Variants in SPAG16 observed in about 807,000 individuals in gnomAD.
The protein encoded by SPAG16 is sperm-associated antigen 16 protein.
A neutral mutation model predicts 80.4 loss-of-function variants in SPAG16; 86 were observed. That is an observed-to-expected ratio of 1.07 (90% CI 0.90 to 1.28). The LOEUF (loss-of-function observed/expected upper bound fraction) is 1.28, where lower values mean the gene tolerates loss of function less well. SPAG16 is among the 50% of genes most tolerant of loss of function. The pLI, the probability that SPAG16 is intolerant of heterozygous loss-of-function variation, is 0.00. For missense variants in SPAG16, 870 were observed against 765.3 expected (o/e 1.14, Z -1.61); for synonymous variants, 294 against 265.9 (o/e 1.11, Z -1.03).
chr2:213,472,186 A>G (rs1306681583), intron 9 of SPAG16, among the ~76,000 whole-genome samples: 1 of 152,320 alleles, frequency 6.6e-6, no homozygotes, highest in Non-Finnish European at 1.5e-5. Context: ...GTAGGACAGT[A>G]AAGGTATATT....
chr2:213,993,459 C>A (rs976116603), intron 12 of SPAG16, among the ~76,000 whole-genome samples: 24 of 152,122 alleles, frequency 1.6e-4, no homozygotes, highest in Admixed American at 2.6e-4. Context: ...CACAAGTAAA[C>A]CCCCTAAGGC....
At chr2:213,433,775 G>A (rs2070445034) in intron 9 of SPAG16, among the ~76,000 whole-genome samples, 1 of 151,938 alleles carries the variant, frequency 6.6e-6, no homozygotes, top group Non-Finnish European at 1.5e-5. Flanking sequence ...TCATAAAAGA[G>A]CCCAAATAGC....
At chr2:213,360,142 T>C (rs2065895373) in intron 7 of SPAG16, among the ~76,000 whole-genome samples, 1 of 152,208 alleles carries the variant, frequency 6.6e-6, no homozygotes, top group African/African-American at 2.4e-5. Flanking sequence ...CCACAGGTTT[T>C]ACCATGGACA....
At chr2:213,675,718 G>A (rs952805499) in intron 10 of SPAG16, among the ~76,000 whole-genome samples, 1 of 151,984 alleles carries the variant, frequency 6.6e-6, no homozygotes, top group African/African-American at 2.4e-5. Context: ...TTATTTCTGA[G>A]GGCTCTGTTC....
intron 15 of SPAG16, among the ~76,000 whole-genome samples, chr2:214,294,779 AAAG>A (rs1410220785): frequency 6.6e-6 from 1 of 152,222 alleles, no homozygotes; most frequent in Non-Finnish European, 1.5e-5. Flanking sequence ...TGTCTTCCCC[AAAG>A]AAGAGAGTTT....
chr2:213,738,117 G>A (rs913614773), intron 10 of SPAG16, among the ~76,000 whole-genome samples: 1 of 151,950 alleles, frequency 6.6e-6, no homozygotes, highest in African/African-American at 2.4e-5. Context: ...AATTCATATT[G>A]AACAGCTTGT....
Position 214,410,187 on chromosome 2 carries a change from G to A in SPAG16, c.1768G>A (p.Asp590Asn). 1 of 1,613,766 alleles carries A rather than the reference G, an allele frequency of 6.2e-7. No individual in the cohort carries two copies. The highest frequency in any genetic ancestry group is 1.3e-5 in the African/African-American group (1 of 75,038). ...TGGCAATGGTGTTATCCATTTGCTA[G>A]ATCTTAAATCTGGGGAGATTCACAA... ...ASGNGVIHLL[D>N]LKSGEIHKLM... The change falls in exon 16 of 16, where the codon GAT (aspartate) becomes AAT (asparagine). Residue 590 changes from aspartate (D) to asparagine (N), a missense_variant. By Grantham distance (23) the Asp-to-Asn change is conservative. Transcript: ENST00000331683.
chr2:213,720,377 C>A (rs1005746712), intron 10 of SPAG16, among the ~76,000 whole-genome samples: 1 of 151,652 alleles, frequency 6.6e-6, no homozygotes, highest in Admixed American at 6.6e-5. Context: ...CCTGTAATCC[C>A]AGCACTTTGG....
intron 13 of SPAG16, among the ~76,000 whole-genome samples, chr2:214,079,527 C>A (rs577147380): frequency 2.0e-5 from 3 of 152,130 alleles, no homozygotes; most frequent in Admixed American, 6.5e-5. Flanking sequence ...CCAGAGAAGG[C>A]ATTAATGCAA....
At chr2:213,557,144 A>G (rs879382887) in intron 10 of SPAG16, among the ~76,000 whole-genome samples, 7 of 152,260 alleles carry the variant, frequency 4.6e-5, no homozygotes, top group Admixed American at 4.6e-4. Context: ...TGATTGAGTA[A>G]TGGACCATGT....
intron 10 of SPAG16, among the ~76,000 whole-genome samples, chr2:213,743,211 G>GT (rs920398323): frequency 4.6e-5 from 7 of 152,134 alleles, no homozygotes; most frequent in African/African-American, 1.4e-4. Flanking sequence ...CTGTATTGTT[G>GT]TTTTTTAAAA....
chr2:214,153,681 TTAA>T (rs2056087066), intron 15 of SPAG16, among the ~76,000 whole-genome samples: 1 of 152,062 alleles, frequency 6.6e-6, no homozygotes, highest in African/African-American at 2.4e-5. Flanking sequence ...AGCATAAGTA[TTAA>T]TAAACAAATA....
rs558752137 is a variant in SPAG16 at position 213,650,047 on chromosome 2, TTCTCAAGGAGAAC to T, written c.1070+159970_1070+159982del. 5.9e-3 allele frequency among the ~76,000 whole-genome samples: 892 copies of T among 152,276 alleles called. 4 individuals carry two copies. Among genetic ancestry groups the T allele is most frequent in the Non-Finnish European group, 0.01 (689 of 68,034 alleles). ...AAAAGAAGTTCTCGAATTTTATTTG[TTCTCAAGGAGAAC>T]TCTCAAGGAGAAGAATGGCAGTTTT... On this transcript the variant is annotated intron_variant, in intron 10 of 15. Coordinates refer to ENST00000331683, the MANE Select transcript of SPAG16 (RefSeq NM_024532.5).
At chr2:214,043,754 A>G (rs145598924) in intron 13 of SPAG16, among the ~76,000 whole-genome samples, 10 of 152,296 alleles carry the variant, frequency 6.6e-5, no homozygotes, top group Non-Finnish European at 1.2e-4. Flanking sequence ...TATTTATGGT[A>G]TCTGAGACAG....
intron 12 of SPAG16, among the ~76,000 whole-genome samples, chr2:214,011,447 GCA>G (rs2047277715): frequency 6.6e-6 from 1 of 151,602 alleles, no homozygotes; most frequent in Non-Finnish European, 1.5e-5. Flanking sequence ...TCTTGGGTCA[GCA>G]AACTTTTCTT....
At chr2:213,510,812 A>G (rs534073287) in intron 10 of SPAG16, among the ~76,000 whole-genome samples, 1 of 152,182 alleles carries the variant, frequency 6.6e-6, no homozygotes, top group Non-Finnish European at 1.5e-5. Flanking sequence ...GAATATACCT[A>G]TGTTTACCTA....
chr2:213,749,244 T>C (rs1004322946), intron 10 of SPAG16, among the ~76,000 whole-genome samples: 7 of 152,154 alleles, frequency 4.6e-5, no homozygotes, highest in African/African-American at 1.4e-4. Flanking sequence ...TTTGCTATTA[T>C]ATTTATATTT....
chr2:213,918,890 A>T (rs2106199342), intron 11 of SPAG16, among the ~76,000 whole-genome samples: 1 of 151,416 alleles, frequency 6.6e-6, no homozygotes, highest in Middle Eastern at 3.4e-3. Context: ...GAATTTTTCC[A>T]TTTTTTTCTA....
At chr2:213,913,737 A>G (rs1275063639) in intron 11 of SPAG16, among the ~76,000 whole-genome samples, 2 of 152,072 alleles carry the variant, frequency 1.3e-5, no homozygotes, top group African/African-American at 4.8e-5. Flanking sequence ...ACATGCAGAG[A>G]CAGAGATAAA....
Sources: gnomAD v4.1 joint callset for allele counts (sites outside exome capture counted in the v4.1 genomes callset) on GRCh38, gnomAD v4.1.1 for gene constraint, MANE v1.5 for transcripts, NCBI Gene and HGNC (gene_info 2026-07-23, HGNC 2026-07-21) for gene names.